Variants in FOXN3 observed in about 807,000 individuals in gnomAD.
The protein encoded by FOXN3 is forkhead box N3.
A neutral mutation model predicts 38.4 loss-of-function variants in FOXN3; 7 were observed. The observed-to-expected ratio is 0.18, with a 90% CI of 0.10 to 0.34. The LOEUF (loss-of-function observed/expected upper bound fraction) is 0.34. Ranked by LOEUF, FOXN3 falls within the 10% of genes least tolerant of loss-of-function variation. The pLI is 1.00. For missense variants in FOXN3, 456 were observed against 613.4 expected (o/e 0.74, Z 2.71); for synonymous variants, 230 against 242.2 (o/e 0.95, Z 0.47).
chr14:89,481,206 T>A (rs1414229338), intron 1 of FOXN3, among the ~76,000 whole-genome samples: 1 of 152,088 alleles, frequency 6.6e-6, no homozygotes, highest in East Asian at 1.9e-4. Context: ...TGGCAAGTCT[T>A]CACTGGCTGG....
intron 1 of FOXN3, among the ~76,000 whole-genome samples, chr14:89,474,549 G>A (rs1236427566): frequency 1.3e-5 from 2 of 152,174 alleles, no homozygotes; most frequent in Non-Finnish European, 2.9e-5. Context: ...CTTAAGCAAT[G>A]CAAATTGAAT....
intron 1 of FOXN3, among the ~76,000 whole-genome samples, chr14:89,561,646 G>C (rs914726133): frequency 6.6e-6 from 1 of 152,222 alleles, no homozygotes; most frequent in Non-Finnish European, 1.5e-5. Flanking sequence ...CATTACTATT[G>C]CTCTGGCTTT....
At chr14:89,365,005 C>T (rs1299250251) in intron 2 of FOXN3, among the ~76,000 whole-genome samples, 1 of 152,174 alleles carries the variant, frequency 6.6e-6, no homozygotes, top group Non-Finnish European at 1.5e-5. Flanking sequence ...CCAAAATAAT[C>T]CCATGATTTG....
Position 89,400,863 on chromosome 14 carries a change from A to G in FOXN3, c.543+11071T>C, listed in dbSNP as rs77433831. ...CTCCCCTAGTACATTATCCTGTTTTATATCTTCATTGCATGTAACACAATC... is the reference window on the plus strand; with the variant it reads ...CTCCCCTAGTACATTATCCTGTTTTGTATCTTCATTGCATGTAACACAATC... On this transcript the variant is annotated intron_variant, in intron 2 of 5. Transcript: ENST00000557258. 2.2e-3 allele frequency among the ~76,000 whole-genome samples: 331 copies of G among 152,066 alleles called. 7 individuals are homozygous for G. In the East Asian group the frequency reaches 0.024, roughly 11 times the overall value.
chr14:89,337,335 A>G (rs1336023861), intron 3 of FOXN3, among the ~76,000 whole-genome samples: 1 of 152,176 alleles, frequency 6.6e-6, no homozygotes, highest in African/African-American at 2.4e-5. Flanking sequence ...TGTTCTCATC[A>G]AAGAAGAAAA....
chr14:89,321,337 G>T (rs1887889901), intron 3 of FOXN3, among the ~76,000 whole-genome samples: 1 of 152,012 alleles, frequency 6.6e-6, no homozygotes, highest in Non-Finnish European at 1.5e-5. Context: ...CAGCACTTTG[G>T]GAGGCTGAGA....
intron 1 of FOXN3, among the ~76,000 whole-genome samples, chr14:89,525,273 C>G (rs1357054083): frequency 7.1e-6 from 1 of 141,108 alleles, no homozygotes; most frequent in Admixed American, 7.0e-5. Flanking sequence ...AGAAGCTGGC[C>G]AAAACCCATC....
chr14:89,447,285 C>T (rs1466993933), intron 1 of FOXN3, among the ~76,000 whole-genome samples: 1 of 151,960 alleles, frequency 6.6e-6, no homozygotes, highest in Non-Finnish European at 1.5e-5. Flanking sequence ...ATACCTGATG[C>T]CAAATTGGTC....
At chr14:89,464,784 A>G (rs8003585) in intron 1 of FOXN3, among the ~76,000 whole-genome samples, 38,835 of 151,562 alleles carry the variant, frequency 0.26, 5,495 homozygotes, top group South Asian at 0.4. Flanking sequence ...TGCAACCTCC[A>G]CCTCCGGGGC....
At chr14:89,177,265 C>A (rs1887546528) in intron 5 of FOXN3, among the ~76,000 whole-genome samples, 1 of 152,134 alleles carries the variant, frequency 6.6e-6, no homozygotes, top group South Asian at 2.1e-4. Flanking sequence ...CCTGCCTCGG[C>A]CTCCCAAAGT....
intron 1 of FOXN3, among the ~76,000 whole-genome samples, chr14:89,559,462 G>T (rs1165421095): frequency 6.6e-6 from 1 of 152,128 alleles, no homozygotes; most frequent in Admixed American, 6.5e-5. Flanking sequence ...CAGATCACCA[G>T]GTCGGGAGAT....
intron 2 of FOXN3, among the ~76,000 whole-genome samples, chr14:89,402,002 C>T (rs1183250892): frequency 6.6e-6 from 1 of 152,210 alleles, no homozygotes; most frequent in Admixed American, 6.5e-5. Flanking sequence ...CACACACACA[C>T]ACATACACAA....
At chr14:89,285,143 T>G (rs547931245) in intron 3 of FOXN3, among the ~76,000 whole-genome samples, 194 of 152,174 alleles carry the variant, frequency 1.3e-3, no homozygotes, top group Non-Finnish European at 1.9e-3. Flanking sequence ...CAGCTGAACT[T>G]TCTGTGGATC....
chr14:89,303,674 C>T (rs557441998), intron 3 of FOXN3, among the ~76,000 whole-genome samples: 6 of 152,222 alleles, frequency 3.9e-5, no homozygotes, highest in African/African-American at 1.2e-4. Context: ...AACTACCTCC[C>T]GTTTCCTGCT....
At chr14:89,507,740 G>T (rs1020422022) in intron 1 of FOXN3, among the ~76,000 whole-genome samples, 3 of 151,584 alleles carry the variant, frequency 2.0e-5, no homozygotes, top group Non-Finnish European at 4.4e-5. Context: ...CATCAATGCT[G>T]CAGTCTAAAT....
At chr14:89,285,179 G>A (rs1439310541) in intron 3 of FOXN3, among the ~76,000 whole-genome samples, 1 of 152,144 alleles carries the variant, frequency 6.6e-6, no homozygotes, top group African/African-American at 2.4e-5. Context: ...TTAAGAAAAG[G>A]ACTGTTTTCT....
chr14:89,604,260 C>T (rs575959893), intron 1 of FOXN3, among the ~76,000 whole-genome samples: 2,309 of 151,696 alleles, frequency 0.015, 70 homozygotes, highest in African/African-American at 0.053. Flanking sequence ...CACACACGCG[C>T]GCGCACACAC....
intron 1 of FOXN3, among the ~76,000 whole-genome samples, chr14:89,488,034 C>T (rs895083238): frequency 6.6e-6 from 1 of 151,406 alleles, no homozygotes; most frequent in Non-Finnish European, 1.5e-5. Flanking sequence ...TGAAGGTGAT[C>T]TGAGTGAGAC....
intron 3 of FOXN3, among the ~76,000 whole-genome samples, chr14:89,313,220 T>C (rs928322630): frequency 1.3e-5 from 2 of 152,160 alleles, no homozygotes; most frequent in Admixed American, 6.5e-5. Context: ...GATGAATCCA[T>C]ACAAGGGGAC....
Sources: allele counts gnomAD v4.1 joint callset (sites outside exome capture counted in the v4.1 genomes callset), GRCh38; gene constraint gnomAD v4.1.1; transcripts MANE v1.5; gene names NCBI Gene and HGNC (gene_info 2026-07-23, HGNC 2026-07-21).